OLFML1: variants seen among roughly 807,000 people sequenced by gnomAD.
OLFML1 encodes the protein olfactomedin like 1.
A neutral mutation model predicts 37.3 loss-of-function variants in OLFML1; 33 were observed. The ratio of observed to expected loss-of-function variants is 0.88; its 90% CI spans 0.67 to 1.18. OLFML1 has a LOEUF of 1.18. OLFML1 is among the 50% of genes most tolerant of loss of function. The pLI is 0.00. For synonymous variants in OLFML1, 186 were observed against 181.3 expected (o/e 1.03, Z -0.21); for missense variants, 545 against 483.7 (o/e 1.13, Z -1.19).
At chr11:7,504,096 G>C (rs1848754388) in intron 2 of OLFML1, among the ~76,000 whole-genome samples, 1 of 152,148 alleles carries the variant, frequency 6.6e-6, no homozygotes, top group Admixed American at 6.5e-5. Context: ...TGGAGAGCTG[G>C]AGAAGAGGGT....
chr11:7,489,958 T>C (rs923642971), intron 2 of OLFML1, among the ~76,000 whole-genome samples: 2 of 152,084 alleles, frequency 1.3e-5, no homozygotes, highest in Non-Finnish European at 2.9e-5. Context: ...CTATCTGTAA[T>C]GTCAGCTCTA....
intron 2 of OLFML1, chr11:7,488,919 T>C (rs1848562588): frequency 6.5e-6 from 1 of 153,240 alleles, no homozygotes; most frequent in Non-Finnish European, 1.5e-5. Flanking sequence ...TGTGGTCTAA[T>C]CTTGTGATCC....
At position 7,485,762 on chromosome 11, in the gene OLFML1, T is replaced by C. The variant is rs1384237609; in HGVS notation, c.-114T>C. On this transcript the variant is annotated 5_prime_UTR_variant, in exon 1 of 3. Coordinates refer to ENST00000329293, the MANE Select transcript of OLFML1 (RefSeq NM_198474.4). ...TGCTCTCTGCTGTGCAAAACGCTGT[T>C]TTTAGAGGATTTGCCACAGCAGCGG... 1.8e-6 allele frequency: 2 copies of C among 1,125,252 alleles called. No individual in the cohort carries two copies. Among genetic ancestry groups the C allele is most frequent in the Non-Finnish European group, 2.6e-6 (2 of 778,016 alleles). The allele number at this position is 1,125,252 out of a possible 1,614,324, so 69.7% of individuals were successfully genotyped here.
intron 2 of OLFML1, 68 bp from the exon 3 acceptor site, chr11:7,509,330 G>C: frequency 8.3e-7 from 1 of 1,211,654 alleles, no homozygotes; most frequent in Non-Finnish European, 1.2e-6. Context: ...CCAAGCATGG[G>C]GAGCCTTCCA....
chr11:7,509,875 C>G lies in OLFML1; in HGVS notation c.896C>G (p.Pro299Arg), dbSNP rs376946259. Residue 299 changes from proline (P) to arginine (R), a missense_variant, in exon 3 of 3, where the codon CCG becomes CGG. Transcript: ENST00000329293. ...HSHLVLTKIE[P>R]GTLGVEHSWD... ...CATTTGGTTCTCACAAAGATTGAGC[C>G]GGGCACACTGGGAGTGGAGCATTCA... 2.5e-6 allele frequency: 4 copies of G among 1,614,100 alleles called. No individual in the cohort carries two copies. Among genetic ancestry groups the G allele is most frequent in the African/African-American group, 1.3e-5 (1 of 74,930 alleles).
At chr11:7,486,304 A>G (rs1166577659) in intron 1 of OLFML1, among the ~76,000 whole-genome samples, 1 of 152,238 alleles carries the variant, frequency 6.6e-6, no homozygotes, top group African/African-American at 2.4e-5. Flanking sequence ...GATTTAATCC[A>G]TAGCTAAAAT....
chr11:7,489,677 A>G (rs1848572361), intron 2 of OLFML1, among the ~76,000 whole-genome samples: 2 of 152,190 alleles, frequency 1.3e-5, no homozygotes, highest in African/African-American at 4.8e-5. Flanking sequence ...GTCATGGGAC[A>G]GAGAACAGGT....
intron 2 of OLFML1, among the ~76,000 whole-genome samples, chr11:7,498,114 A>G (rs1417185815): frequency 6.6e-6 from 1 of 152,234 alleles, no homozygotes; most frequent in Non-Finnish European, 1.5e-5. Context: ...GGCGATATAT[A>G]CTGTGTCCCA....
At position 7,511,370 on chromosome 11, in the gene OLFML1, G is replaced by A. The variant is rs1006197136; in HGVS notation, c.*1182G>A. ...GGTTATATTTGCCCACATACCCTAA[G>A]CACAAAAGCTTTCTGGGAGTGCTGC... On this transcript the variant is annotated 3_prime_UTR_variant, in exon 3 of 3. Transcript: ENST00000329293. 6.6e-6 allele frequency: 1 copy of A among 152,186 alleles called. No individual in the cohort carries two copies. Among genetic ancestry groups the A allele is most frequent in the Non-Finnish European group, 1.5e-5 (1 of 68,040 alleles). The allele number at this position is 152,186 out of a possible 1,614,324, so 9.4% of individuals were successfully genotyped here.
chr11:7,511,295 C>T lies in OLFML1; in HGVS notation c.*1107C>T, dbSNP rs1848857691. ...TTGTCTTGCTGTCCTCTGTTTCTCTCTTTCTGCTTTAAATTCAATAAAAGT... is the reference window on the plus strand; with the variant it reads ...TTGTCTTGCTGTCCTCTGTTTCTCTTTTTCTGCTTTAAATTCAATAAAAGT... On this transcript the variant is annotated 3_prime_UTR_variant, in exon 3 of 3. Coordinates refer to ENST00000329293, the MANE Select transcript of OLFML1 (RefSeq NM_198474.4). 1 of 152,236 alleles carries T rather than the reference C, an allele frequency of 6.6e-6. No homozygotes were observed. Among genetic ancestry groups the T allele is most frequent in the South Asian group, 2.1e-4 (1 of 4,834 alleles). 9.4% of individuals were successfully genotyped at this position (152,236 alleles called of 1,614,324 possible).
rs1210960415 is a variant in OLFML1 at position 7,509,388 on chromosome 11, G to T, written c.419-10G>T. 6.3e-6 allele frequency: 10 copies of T among 1,580,266 alleles called. No individual in the cohort carries two copies. In the Admixed American group the frequency reaches 1.1e-4, roughly 18 times the overall value. On this transcript the variant is annotated splice_polypyrimidine_tract_variant and intron_variant, in intron 2 of 2. Coordinates refer to ENST00000329293, the MANE Select transcript of OLFML1 (RefSeq NM_198474.4). ...TAAAGTAATCTCTCCTTTTTCTCCT[G>T]TTTGGCCAGGCTGTGACAACATGCT... is the stretch of plus-strand genomic sequence containing the variant.
chr11:7,498,741 T>C (rs986224751), intron 2 of OLFML1, among the ~76,000 whole-genome samples: 1 of 152,234 alleles, frequency 6.6e-6, no homozygotes, highest in African/African-American at 2.4e-5. Context: ...TTCTCTTTAA[T>C]GAATTCATCA....
At chr11:7,498,052 G>C (rs1461929346) in intron 2 of OLFML1, among the ~76,000 whole-genome samples, 1 of 152,184 alleles carries the variant, frequency 6.6e-6, no homozygotes, top group Admixed American at 6.5e-5. Flanking sequence ...TGCACAATCT[G>C]AATCTAATTG....
intron 2 of OLFML1, among the ~76,000 whole-genome samples, chr11:7,503,531 G>C (rs976272300): frequency 1.3e-5 from 2 of 152,218 alleles, no homozygotes; most frequent in African/African-American, 4.8e-5. Context: ...CAGAAAAATG[G>C]GCAGTGGAGT....
chr11:7,492,254 C>G (rs1247474790), intron 2 of OLFML1, among the ~76,000 whole-genome samples: 1 of 152,184 alleles, frequency 6.6e-6, no homozygotes, highest in South Asian at 2.1e-4. Context: ...ACCATGGCCT[C>G]TAGAGACTGT....
chr11:7,497,310 C>T (rs1048269063), intron 2 of OLFML1, among the ~76,000 whole-genome samples: 1 of 152,070 alleles, frequency 6.6e-6, no homozygotes. Flanking sequence ...AAAGCCCCTG[C>T]TTTTATTTTT....
rs192232177 is a variant in OLFML1 at position 7,488,703 on chromosome 11, G to C, written c.418+288G>C. 4.1e-5 allele frequency: 8 copies of C among 195,218 alleles called. No individual in the cohort carries two copies. In the East Asian group the frequency reaches 9.5e-4, roughly 23 times the overall value. 12.1% of individuals were successfully genotyped at this position (195,218 alleles called of 1,614,324 possible). On this transcript the variant is annotated intron_variant, in intron 2 of 2. Transcript: ENST00000329293. ...AGAGACTACCTCCTGATAAATCTTG[G>C]TTTGGTGGAGATGTGTGGTCCCAGA...
At chr11:7,493,139 C>T (rs1848619405) in intron 2 of OLFML1, among the ~76,000 whole-genome samples, 1 of 152,138 alleles carries the variant, frequency 6.6e-6, no homozygotes, top group Non-Finnish European at 1.5e-5. Context: ...TGTTGTCGTC[C>T]AGTTCCTTTT....
At chr11:7,492,351 G>A (rs1848609029) in intron 2 of OLFML1, among the ~76,000 whole-genome samples, 1 of 152,176 alleles carries the variant, frequency 6.6e-6, no homozygotes, top group Non-Finnish European at 1.5e-5. Context: ...GGGCTAGGAA[G>A]GCATTGCCAG....
Sources: gnomAD v4.1 joint callset for allele counts (sites outside exome capture counted in the v4.1 genomes callset) on GRCh38, gnomAD v4.1.1 for gene constraint, MANE v1.5 for transcripts, NCBI Gene and HGNC (gene_info 2026-07-23, HGNC 2026-07-21) for gene names.